GPC6: variants seen among roughly 807,000 people sequenced by gnomAD.
GPC6 encodes the protein glypican-6.
A neutral mutation model predicts 55.2 loss-of-function variants in GPC6; 14 were observed. That is an observed-to-expected ratio of 0.25 (90% CI 0.17 to 0.40). GPC6 has a LOEUF of 0.40. GPC6 is among the 10% of genes least tolerant of loss of function. The pLI is 1.00. For synonymous variants in GPC6, 278 were observed against 259.6 expected, an observed-to-expected ratio of 1.07 and a Z score of -0.68; for missense variants, 641 against 708.5, an observed-to-expected ratio of 0.90 and a Z score of 1.08.
chr13:93,608,879 A>G (rs1262430082), intron 2 of GPC6, among the ~76,000 whole-genome samples: 1 of 152,148 alleles, frequency 6.6e-6, no homozygotes, highest in African/African-American at 2.4e-5. Context: ...AACTACTGCT[A>G]TTTTAGCTCA....
At position 93,283,337 on chromosome 13, in the gene GPC6, A is replaced by G. The variant is rs570645435; in HGVS notation, c.160+55721A>G. On this transcript the variant is annotated intron_variant, in intron 1 of 8. Transcript: ENST00000377047. ...AGTTGAAATTTTGCGGTTGAGAAAA[A>G]CAAAATGTTAAGGTAAGGTCGCATA... Among the ~76,000 whole-genome samples the G allele has an allele frequency of 1.4e-3, 213 of 152,304 alleles. 1 individual carries two copies. The highest frequency in any genetic ancestry group is 4.4e-3 in the African/African-American group (181 of 41,572).
intron 3 of GPC6, among the ~76,000 whole-genome samples, chr13:93,905,355 A>G (rs1306912021): frequency 6.6e-6 from 1 of 152,186 alleles, no homozygotes; most frequent in Non-Finnish European, 1.5e-5. Flanking sequence ...AAAAATGCTC[A>G]GAATTATGCC....
intron 6 of GPC6, among the ~76,000 whole-genome samples, chr13:94,308,675 T>G (rs889256434): frequency 1.3e-5 from 2 of 152,224 alleles, no homozygotes; most frequent in Non-Finnish European, 2.9e-5. Flanking sequence ...TTTACTGATT[T>G]TTTTATTAAA....
intron 1 of GPC6, among the ~76,000 whole-genome samples, chr13:93,374,296 T>C (rs989401940): frequency 2.6e-5 from 4 of 152,166 alleles, no homozygotes; most frequent in African/African-American, 9.7e-5. Flanking sequence ...GCGGAGCAGG[T>C]GGGCAGAACC....
chr13:93,419,676 C>A (rs956492229), intron 1 of GPC6, among the ~76,000 whole-genome samples: 4 of 152,140 alleles, frequency 2.6e-5, no homozygotes, highest in Non-Finnish European at 5.9e-5. Context: ...CTATTAGCAA[C>A]AGTTCTGTGA....
intron 6 of GPC6, among the ~76,000 whole-genome samples, chr13:94,338,859 C>A (rs1383735052): frequency 6.6e-6 from 1 of 152,056 alleles, no homozygotes; most frequent in Admixed American, 6.5e-5. Context: ...TGGGAGATGG[C>A]TGATGTTTTG....
chr13:93,492,964 G>A, intron 1 of GPC6, among the ~76,000 whole-genome samples: 1 of 113,022 alleles, frequency 8.8e-6, no homozygotes. Context: ...GTTCATCAAG[G>A]ATATTGGTCT....
intron 2 of GPC6, among the ~76,000 whole-genome samples, chr13:93,624,219 T>G (rs1879095469): frequency 6.6e-6 from 1 of 151,932 alleles, no homozygotes; most frequent in Non-Finnish European, 1.5e-5. Flanking sequence ...CCCACTGGCC[T>G]TGTATGATCT....
At chr13:93,378,308 A>G (rs1206761790) in intron 1 of GPC6, among the ~76,000 whole-genome samples, 1 of 152,166 alleles carries the variant, frequency 6.6e-6, no homozygotes, top group South Asian at 2.1e-4. Flanking sequence ...GACATATTTA[A>G]TTCATCCTCT....
intron 4 of GPC6, among the ~76,000 whole-genome samples, chr13:94,103,932 G>T (rs1274683513): frequency 6.6e-6 from 1 of 152,072 alleles, no homozygotes; most frequent in Non-Finnish European, 1.5e-5. Context: ...CGTTGCTTTT[G>T]GTGTTTTAGT....
chr13:93,886,243 T>G (rs1179186769), intron 3 of GPC6, among the ~76,000 whole-genome samples: 1 of 152,078 alleles, frequency 6.6e-6, no homozygotes, highest in South Asian at 2.1e-4. Context: ...GTGGTTGGAA[T>G]AATTGGAAGA....
At chr13:93,646,284 T>C (rs1880166284) in intron 2 of GPC6, among the ~76,000 whole-genome samples, 1 of 152,140 alleles carries the variant, frequency 6.6e-6, no homozygotes, top group Admixed American at 6.6e-5. Context: ...TTGAAGCAAG[T>C]AGTCCCAAGC....
intron 6 of GPC6, among the ~76,000 whole-genome samples, chr13:94,317,647 C>A (rs1196046787): frequency 6.6e-6 from 1 of 152,176 alleles, no homozygotes; most frequent in African/African-American, 2.4e-5. Flanking sequence ...AAAGGATCCT[C>A]ATGCTCTCTT....
intron 2 of GPC6, among the ~76,000 whole-genome samples, chr13:93,579,862 C>A (rs1031685835): frequency 3.9e-5 from 6 of 152,246 alleles, no homozygotes; most frequent in African/African-American, 1.4e-4. Context: ...GTGTGGCTCC[C>A]TCCTTACATG....
chr13:93,429,290 CCTT>C (rs1376899467), intron 1 of GPC6, among the ~76,000 whole-genome samples: 1 of 152,096 alleles, frequency 6.6e-6, no homozygotes, highest in Admixed American at 6.6e-5. Flanking sequence ...AAAAATCCCT[CCTT>C]AATGAGATTT....
intron 1 of GPC6, among the ~76,000 whole-genome samples, chr13:93,354,393 C>T (rs910306323): frequency 8.0e-5 from 11 of 137,900 alleles, no homozygotes; most frequent in Non-Finnish European, 1.5e-4. Context: ...CTGTATTGCC[C>T]AGGTTGGAGT....
chr13:94,334,608 A>G (rs1215420460), intron 6 of GPC6, among the ~76,000 whole-genome samples: 1 of 152,140 alleles, frequency 6.6e-6, no homozygotes, highest in African/African-American at 2.4e-5. Context: ...CCCATTCCAG[A>G]CCTACGGAAA....
At chr13:93,709,205 CT>C (rs1400458814) in intron 2 of GPC6, among the ~76,000 whole-genome samples, 6 of 151,742 alleles carry the variant, frequency 4.0e-5, no homozygotes, top group African/African-American at 1.4e-4. Context: ...TCTAGCCTGC[CT>C]TTCTTCCAAC....
chr13:93,425,739 T>G (rs1440425648), intron 1 of GPC6, among the ~76,000 whole-genome samples: 1 of 152,148 alleles, frequency 6.6e-6, no homozygotes, highest in African/African-American at 2.4e-5. Flanking sequence ...CTCTCACCAT[T>G]TCCTATGGCA....
Sources: gnomAD v4.1 joint callset for allele counts (sites outside exome capture counted in the v4.1 genomes callset) on GRCh38, gnomAD v4.1.1 for gene constraint, MANE v1.5 for transcripts, NCBI Gene and HGNC (gene_info 2026-07-23, HGNC 2026-07-21) for gene names.